The following PRKD1 variants were observed in gnomAD, a reference collection of about 807,000 sequenced individuals.
The protein encoded by PRKD1 is protein kinase D1.
PRKD1 carries 63 observed loss-of-function variants against 95.9 expected under a neutral mutation model. That is an observed-to-expected ratio of 0.66 (90% CI 0.54 to 0.81). The LOEUF (loss-of-function observed/expected upper bound fraction) is 0.81. Among genes scored for constraint, PRKD1 ranks in the 30% least tolerant of loss-of-function variants. PRKD1 has a pLI of 0.00. For missense variants in PRKD1, 1,048 were observed against 1,165.3 expected (o/e 0.90, Z 1.47); for synonymous variants, 425 against 423.1 (o/e 1.00, Z -0.05).
At chr14:29,908,874 G>A (rs902024960) in intron 1 of PRKD1, among the ~76,000 whole-genome samples, 13 of 152,260 alleles carry the variant, frequency 8.5e-5, no homozygotes, top group African/African-American at 3.1e-4. Flanking sequence ...CACCTCCTTG[G>A]CCTCAGCACC....
intron 1 of PRKD1, among the ~76,000 whole-genome samples, chr14:29,816,397 G>A (rs935778234): frequency 1.3e-5 from 2 of 152,156 alleles, no homozygotes; most frequent in South Asian, 2.1e-4. Context: ...ATTCAGGAAT[G>A]ACAACAGACA....
intron 2 of PRKD1, among the ~76,000 whole-genome samples, chr14:29,706,940 G>A (rs1885120734): frequency 1.3e-5 from 2 of 152,048 alleles, no homozygotes; most frequent in Admixed American, 1.3e-4. Context: ...AATCAAATGA[G>A]GATGAAAATG....
At chr14:29,819,608 T>C (rs1390586511) in intron 1 of PRKD1, among the ~76,000 whole-genome samples, 1 of 152,092 alleles carries the variant, frequency 6.6e-6, no homozygotes, top group African/African-American at 2.4e-5. Context: ...GAGAATGGCA[T>C]GAACCCGGCA....
chr14:29,912,487 C>T (rs938928343), intron 1 of PRKD1, among the ~76,000 whole-genome samples: 1 of 152,048 alleles, frequency 6.6e-6, no homozygotes, highest in African/African-American at 2.4e-5. Flanking sequence ...CTTAACATGA[C>T]TTCAATAGTA....
chr14:29,756,535 T>C (rs1457092659), intron 1 of PRKD1, among the ~76,000 whole-genome samples: 1 of 152,196 alleles, frequency 6.6e-6, no homozygotes, highest in East Asian at 1.9e-4. Context: ...GCTAGCTCTT[T>C]GGAACGTTAA....
chr14:29,875,514 A>G (rs906136163), intron 1 of PRKD1, among the ~76,000 whole-genome samples: 7 of 152,248 alleles, frequency 4.6e-5, no homozygotes, highest in African/African-American at 1.7e-4. Flanking sequence ...TATTGTTGGC[A>G]TAATATTGTT....
rs1365483457 is a variant in PRKD1 at position 29,636,437 on chromosome 14, T to C, written c.1043A>G (p.Asn348Ser). ...DVVMEEGSDD[N>S]DSERNSGLMD... ...GAGCCCACTGTTCCTTTCACTATCA[T>C]TGTCATCACTCCCTTCTTCCATGAC... The change falls in exon 7 of 18, where the codon AAT (asparagine) becomes AGT (serine). Residue 348 changes from asparagine to serine, a missense_variant. Physicochemically the swap from Asn to Ser is conservative, Grantham distance 46 (BLOSUM62 1). Around this residue, in one of 3 missense-constraint regions of PRKD1, gnomAD observed 739 missense variants for 861.9 expected, o/e 0.86. Coordinates refer to ENST00000331968, the MANE Select transcript of PRKD1 (RefSeq NM_002742.3). The C allele has an allele frequency of 6.2e-7, 1 of 1,614,054 alleles. No individual in the cohort carries two copies. Among genetic ancestry groups the C allele is most frequent in the African/African-American group, 1.3e-5 (1 of 74,924 alleles).
At chr14:29,881,344 T>C (rs1893505129) in intron 1 of PRKD1, among the ~76,000 whole-genome samples, 1 of 152,202 alleles carries the variant, frequency 6.6e-6, no homozygotes. Flanking sequence ...TGCCGCCATG[T>C]AAGAAGAGCC....
chr14:29,752,049 T>C (rs1887500424), intron 1 of PRKD1, among the ~76,000 whole-genome samples: 2 of 152,190 alleles, frequency 1.3e-5, no homozygotes, highest in African/African-American at 4.8e-5. Flanking sequence ...CTTCTTAACA[T>C]AAATAAAATT....
At chr14:29,750,754 G>A (rs1887445294) in intron 1 of PRKD1, among the ~76,000 whole-genome samples, 1 of 152,106 alleles carries the variant, frequency 6.6e-6, no homozygotes, top group Non-Finnish European at 1.5e-5. Flanking sequence ...AGTGGTCCTG[G>A]CTGGGAATTG....
At chr14:29,730,745 G>A (rs1034139251) in intron 1 of PRKD1, among the ~76,000 whole-genome samples, 10 of 152,208 alleles carry the variant, frequency 6.6e-5, no homozygotes, top group South Asian at 4.1e-4. Context: ...AGAATAATAC[G>A]TTAAGTGAAA....
chr14:29,644,720 G>A (rs1881016247), intron 4 of PRKD1, among the ~76,000 whole-genome samples: 1 of 151,900 alleles, frequency 6.6e-6, no homozygotes, highest in Admixed American at 6.6e-5. Context: ...CTTTATATAT[G>A]CCAAACTATT....
At chr14:29,673,626 G>A (rs60947676) in intron 2 of PRKD1, among the ~76,000 whole-genome samples, 3,383 of 152,264 alleles carry the variant, frequency 0.022, 112 homozygotes, top group African/African-American at 0.072. Flanking sequence ...TTCTCTAACT[G>A]TGCAGGCACA....
intron 4 of PRKD1, among the ~76,000 whole-genome samples, chr14:29,663,497 C>A (rs1019359983): frequency 2.6e-5 from 4 of 152,082 alleles, no homozygotes; most frequent in Admixed American, 2.0e-4. Flanking sequence ...TTTCACTAAG[C>A]TCAGAGATAA....
chr14:29,754,088 G>C (rs1181220411), intron 1 of PRKD1, among the ~76,000 whole-genome samples: 1 of 152,116 alleles, frequency 6.6e-6, no homozygotes, highest in Non-Finnish European at 1.5e-5. Context: ...GCCAACATTG[G>C]CTATTACCCA....
chr14:29,927,198 G>T, intron 1 of PRKD1, 51 bp downstream of exon 1: 3 of 1,431,560 alleles, frequency 2.1e-6, no homozygotes, highest in Non-Finnish European at 1.8e-6. Flanking sequence ...GCCGGGCAGC[G>T]CCCCCTGCGC....
At chr14:29,815,342 C>G (rs1566616235) in intron 1 of PRKD1, among the ~76,000 whole-genome samples, 1 of 152,178 alleles carries the variant, frequency 6.6e-6, no homozygotes, top group African/African-American at 2.4e-5. Flanking sequence ...TGATTTATAT[C>G]CTTCCAGCAT....
intron 1 of PRKD1, among the ~76,000 whole-genome samples, chr14:29,808,718 C>T (rs2139237281): frequency 6.6e-6 from 1 of 152,114 alleles, no homozygotes; most frequent in East Asian, 1.9e-4. Context: ...TTCTAGTTCT[C>T]TTGATAGTTT....
rs771606271 is a variant in PRKD1, at chr14:29,577,263, A to AT, written c.2713_2714insA (p.Leu905HisfsTer3). The stretch of plus-strand genomic sequence containing the variant: ...TCAGAGGATGCTGACACGCTCACCG[A>AT]GGGCTTTCATTTCTGTTTCTTCAGT... On this transcript the variant is annotated frameshift_variant, in exon 18 of 18. Transcript: ENST00000331968. LOFTEE classifies it high-confidence loss of function. The AT allele has an allele frequency of 1.7e-5, 28 of 1,613,324 alleles. No homozygotes were observed. Among genetic ancestry groups the AT allele is most frequent in the Admixed American group, 3.3e-5 (2 of 59,910 alleles).
Sources: allele counts gnomAD v4.1 joint callset (sites outside exome capture counted in the v4.1 genomes callset), GRCh38; gene constraint gnomAD v4.1.1; regional missense constraint gnomAD v4.1.1; transcripts MANE v1.5; gene names NCBI Gene and HGNC (gene_info 2026-07-23, HGNC 2026-07-21).